The following ZBTB11 variants were observed in gnomAD, a reference collection of about 807,000 sequenced individuals.
ZBTB11 encodes zinc finger and BTB domain containing 11, also known as zinc finger and BTB domain-containing protein 11.
In ZBTB11, 68 loss-of-function variants were observed where a neutral mutation model predicts 113.1. The ratio of observed to expected loss-of-function variants is 0.60; its 90% CI spans 0.49 to 0.74. The LOEUF (loss-of-function observed/expected upper bound fraction) is 0.74. Among genes scored for constraint, ZBTB11 ranks in the 30% least tolerant of loss-of-function variants. The pLI is 0.00. For synonymous variants in ZBTB11, 518 were observed against 452.6 expected (o/e 1.14, Z -1.83); for missense variants, 1,104 against 1,279.4 (o/e 0.86, Z 2.09).
intron 1 of ZBTB11, among the ~76,000 whole-genome samples, chr3:101,673,510 C>G (rs1387611340): frequency 6.9e-6 from 1 of 145,924 alleles, no homozygotes; most frequent in African/African-American, 2.5e-5. Flanking sequence ...TTATACAAAG[C>G]TCCTTACACT....
chr3:101,672,229 TAAC>T lies in ZBTB11; in HGVS notation c.311-19_311-17del, dbSNP rs764454098. On this transcript the variant is annotated splice_polypyrimidine_tract_variant and intron_variant, in intron 1 of 10. Transcript: ENST00000312938. ...TTCAATATACCTACAATGAAAATAT[TAAC>T]AAGTCAAATTTAATACTGTTAACTG... 1.3e-6 allele frequency: 2 copies of T among 1,549,424 alleles called. No homozygotes were observed. Among genetic ancestry groups the T allele is most frequent in the Admixed American group, 1.9e-5 (1 of 53,892 alleles).
chr3:101,677,126 G>A lies in ZBTB11; in HGVS notation c.-212C>T. 2 of 552,766 alleles carry A rather than the reference G, an allele frequency of 3.6e-6. No homozygotes were observed. Among genetic ancestry groups the A allele is most frequent in the Non-Finnish European group, 6.1e-6 (2 of 325,560 alleles). 34.2% of individuals were successfully genotyped at this position (552,766 alleles called of 1,614,324 possible). ...ACTTCTCCAGCGCGCGGGATCCGCT[G>A]GCGACTGACAAAATGGCTGCTGCAC... On this transcript the variant is annotated 5_prime_UTR_variant, in exon 1 of 11. Coordinates refer to ENST00000312938, the MANE Select transcript of ZBTB11 (RefSeq NM_014415.4).
At chr3:101,666,342 T>C (rs941615731) in intron 3 of ZBTB11, among the ~76,000 whole-genome samples, 2 of 152,226 alleles carry the variant, frequency 1.3e-5, no homozygotes, top group African/African-American at 4.8e-5. Flanking sequence ...ATAATAAACA[T>C]TGCAGGCCAT....
intron 5 of ZBTB11, among the ~76,000 whole-genome samples, chr3:101,662,791 T>C (rs1273551679): frequency 6.6e-6 from 1 of 152,118 alleles, no homozygotes; most frequent in Non-Finnish European, 1.5e-5. Flanking sequence ...AGACAGGGTC[T>C]CACTTTGTCA....
chr3:101,676,106 G>A (rs1271135369), intron 1 of ZBTB11, among the ~76,000 whole-genome samples: 1 of 152,228 alleles, frequency 6.6e-6, no homozygotes, highest in African/African-American at 2.4e-5. Flanking sequence ...AGGAACACTA[G>A]CGAATGTGTC....
chr3:101,669,783 A>C (rs565779478), intron 3 of ZBTB11, among the ~76,000 whole-genome samples: 1 of 151,888 alleles, frequency 6.6e-6, no homozygotes, highest in South Asian at 2.1e-4. Context: ...CTTTGTATGC[A>C]GTGGATGCTT....
At chr3:101,667,080 C>T (rs981499190) in intron 3 of ZBTB11, among the ~76,000 whole-genome samples, 2 of 152,210 alleles carry the variant, frequency 1.3e-5, no homozygotes, top group Middle Eastern at 3.4e-3. Flanking sequence ...TTGAGACAGG[C>T]CCTTGCTCTG....
In ZBTB11 at chr3:101,671,225, T is replaced by C; in HGVS notation, c.683A>G (p.His228Arg). ...GCTATTTGCTGACAAAACAGATTTA[T>C]GAGCTTTGTACTCTTCTCCTTCAAT... ...LLIEGEEYKAHKSVLSANSEY... is the reference protein window; with the variant it reads ...LLIEGEEYKARKSVLSANSEY... The change falls in exon 3 of 11, where the codon CAT becomes CGT. Residue 228 changes from histidine to arginine, a missense_variant. His to Arg is a conservative substitution (Grantham distance 29). Transcript: ENST00000312938. The C allele has an allele frequency of 1.2e-6, 2 of 1,613,196 alleles. No individual in the cohort carries two copies. Among genetic ancestry groups the C allele is most frequent in the Non-Finnish European group, 1.7e-6 (2 of 1,179,136 alleles).
intron 1 of ZBTB11, among the ~76,000 whole-genome samples, chr3:101,672,416 A>T (rs1490072469): frequency 2.0e-5 from 3 of 152,112 alleles, no homozygotes; most frequent in African/African-American, 4.8e-5. Flanking sequence ...TGCTGAGGTA[A>T]TTTTTTTTAT....
intron 3 of ZBTB11, 118 bp from the exon 4 acceptor site, chr3:101,665,926 T>C: frequency 9.6e-7 from 1 of 1,045,004 alleles, no homozygotes; most frequent in Non-Finnish European, 1.4e-6. Flanking sequence ...CTGCAACTAA[T>C]CATCCCTGGA....
rs768324173 is a variant in ZBTB11, at chr3:101,665,237, C to T, written c.1350G>A (p.Ser450=). 53 of 1,614,074 alleles carry T rather than the reference C, an allele frequency of 3.3e-5. No homozygotes were observed. Among genetic ancestry groups the T allele is most frequent in the Middle Eastern group, 1.6e-4 (1 of 6,084 alleles). ...KLSKENVISS[S]PEDSGMGNDI... is the part of the protein sequence containing the mutation. ...CATTTCCCATACCACTATCCTCTGG[C>T]GAGCTACTAATTACATTCTCTTTTG... The change falls in exon 4 of 11, where the codon TCG becomes TCA. Residue 450 remains serine (S), a synonymous_variant. Transcript: ENST00000312938.
At chr3:101,656,499 T>C (rs886558242) in intron 6 of ZBTB11, among the ~76,000 whole-genome samples, 4 of 152,130 alleles carry the variant, frequency 2.6e-5, no homozygotes, top group Non-Finnish European at 5.9e-5. Flanking sequence ...ATAGTAAAAA[T>C]CAGACAAACC....
Position 101,671,333 on chromosome 3 carries a change from GAA to G in ZBTB11, c.573_574del (p.Ser192PhefsTer23). On this transcript the variant is annotated frameshift_variant, in exon 3 of 11. Coordinates refer to ENST00000312938, the MANE Select transcript of ZBTB11 (RefSeq NM_014415.4). LOFTEE classifies it high-confidence loss of function. Reference sequence around the variant, plus strand: ...GACAGCCTGACAATGTTTTGGAGAAGAACGTTTTACCACTCCTTTGGTGTCAA... The same window carrying G: ...GACAGCCTGACAATGTTTTGGAGAAGCGTTTTACCACTCCTTTGGTGTCAA... 2 of 1,614,130 alleles carry G rather than the reference GAA, an allele frequency of 1.2e-6. No individual in the cohort carries two copies. Among genetic ancestry groups the G allele is most frequent in the Non-Finnish European group, 1.7e-6 (2 of 1,180,000 alleles).
At chr3:101,676,349 C>G (rs969494435) in intron 1 of ZBTB11, 1 of 370,536 alleles carries the variant, frequency 2.7e-6, no homozygotes, top group Non-Finnish European at 4.8e-6. Flanking sequence ...CCCCTCCCCG[C>G]GGCTGGCCCG....
intron 1 of ZBTB11, among the ~76,000 whole-genome samples, chr3:101,675,429 G>A (rs961535267): frequency 1.3e-5 from 2 of 152,224 alleles, no homozygotes; most frequent in Non-Finnish European, 2.9e-5. Flanking sequence ...AAGAACTTTA[G>A]AAACTATTCA....
intron 1 of ZBTB11, 89 bp downstream of exon 1, chr3:101,676,516 C>A: frequency 7.5e-7 from 1 of 1,333,412 alleles, no homozygotes; most frequent in East Asian, 2.9e-5. Context: ...CGAGACCCTC[C>A]GACTCGTGGG....
At chr3:101,654,662 CAT>C in intron 8 of ZBTB11, 40 bp downstream of exon 8, 2 of 1,512,058 alleles carry the variant, frequency 1.3e-6, no homozygotes, top group Non-Finnish European at 1.8e-6. Context: ...TGAGTAAAAA[CAT>C]AATTAAATTA....
intron 5 of ZBTB11, among the ~76,000 whole-genome samples, chr3:101,664,037 C>T (rs1388248909): frequency 6.6e-6 from 1 of 152,180 alleles, no homozygotes; most frequent in Non-Finnish European, 1.5e-5. Flanking sequence ...ATGGTTTTAT[C>T]CTTTCCAGAG....
At chr3:101,659,624 T>C (rs1336526147) in intron 6 of ZBTB11, among the ~76,000 whole-genome samples, 159 bp downstream of exon 6, 1 of 152,190 alleles carries the variant, frequency 6.6e-6, no homozygotes, top group Non-Finnish European at 1.5e-5. Context: ...AAAAACACCA[T>C]AGGGAATCAC....
Sources: allele counts gnomAD v4.1 joint callset (sites outside exome capture counted in the v4.1 genomes callset), GRCh38; gene constraint gnomAD v4.1.1; transcripts MANE v1.5; gene names NCBI Gene and HGNC (gene_info 2026-07-23, HGNC 2026-07-21).